Variants in NELL1 observed in about 807,000 individuals in gnomAD.
NELL1 encodes the protein protein kinase C-binding protein NELL1.
Under a neutral mutation model 107.4 loss-of-function variants are expected in NELL1, and 76 were observed. The observed-to-expected ratio is 0.71, with a 90% CI of 0.59 to 0.86. NELL1 has a LOEUF of 0.86. Among genes scored for constraint, NELL1 ranks in the 40% least tolerant of loss-of-function variants. The pLI is 0.00. For synonymous variants in NELL1, 353 were observed against 341.2 expected (o/e 1.03, Z -0.38); for missense variants, 1,024 against 1,005.5 (o/e 1.02, Z -0.25).
Position 21,449,438 on chromosome 11 carries a change from G to A in NELL1, c.1645+78490G>A, listed in dbSNP as rs944339756. Among the ~76,000 whole-genome samples the A allele has an allele frequency of 3.9e-5, 6 of 152,076 alleles. No homozygotes were observed. In the East Asian group the frequency reaches 7.7e-4, roughly 20 times the overall value. ...GTTTTCTTTTTATTGACTTTTGAGA[G>A]GTTATTATAGATTTTGATAAAATTC... On this transcript the variant is annotated intron_variant, in intron 15 of 19. Transcript: ENST00000357134.
chr11:21,151,216 C>T (rs769043282), intron 13 of NELL1, among the ~76,000 whole-genome samples: 103 of 152,278 alleles, frequency 6.8e-4, no homozygotes, highest in Non-Finnish European at 1.1e-3. Flanking sequence ...GGCTCTGTTT[C>T]ACTGGTCTAG....
rs533179635 is a variant in NELL1, at chr11:20,924,473, T to C, written c.760-2835T>C. On this transcript the variant is annotated intron_variant, in intron 7 of 19. Coordinates refer to ENST00000357134, the MANE Select transcript of NELL1 (RefSeq NM_006157.5). ...AGAATAGCATTCATTATATTAAAACTGACATTTTCTTTGGAATTGAGTTTT... is the reference window on the plus strand; with the variant it reads ...AGAATAGCATTCATTATATTAAAACCGACATTTTCTTTGGAATTGAGTTTT... 3.3e-5 allele frequency among the ~76,000 whole-genome samples: 5 copies of C among 152,310 alleles called. No individual in the cohort carries two copies. The South Asian group carries it at 1.0e-3, about 32-fold the overall frequency.
intron 12 of NELL1, among the ~76,000 whole-genome samples, chr11:20,974,146 G>A (rs996357348): frequency 6.6e-6 from 1 of 152,116 alleles, no homozygotes. Flanking sequence ...CTAGCACCTC[G>A]GACAGTTCCT....
At chr11:21,167,484 G>A (rs1856511005) in intron 13 of NELL1, among the ~76,000 whole-genome samples, 2 of 151,758 alleles carry the variant, frequency 1.3e-5, no homozygotes, top group Admixed American at 6.6e-5. Flanking sequence ...AAATATCAAG[G>A]ATGAAAAATT....
At chr11:21,337,779 T>A (rs1850450875) in intron 14 of NELL1, among the ~76,000 whole-genome samples, 1 of 145,810 alleles carries the variant, frequency 6.9e-6, no homozygotes. Flanking sequence ...TTTCTTTCTT[T>A]CTTTCTTTCT....
chr11:20,683,779 T>C (rs1437542681), intron 2 of NELL1, among the ~76,000 whole-genome samples: 1 of 152,104 alleles, frequency 6.6e-6, no homozygotes. Flanking sequence ...TTTGTCCCCA[T>C]TCTTTAAAGA....
chr11:20,938,445 G>A (rs1170585747), intron 10 of NELL1, among the ~76,000 whole-genome samples: 2 of 152,180 alleles, frequency 1.3e-5, no homozygotes, highest in Non-Finnish European at 1.5e-5. Flanking sequence ...GTGAGGGAGA[G>A]AGACAGTAAG....
At chr11:21,506,323 C>T (rs890608172) in intron 15 of NELL1, among the ~76,000 whole-genome samples, 2 of 152,102 alleles carry the variant, frequency 1.3e-5, no homozygotes, top group Admixed American at 1.3e-4. Flanking sequence ...TCAGACCTAC[C>T]CAACAATTTA....
At chr11:21,397,648 A>T (rs2133792080) in intron 15 of NELL1, among the ~76,000 whole-genome samples, 1 of 151,762 alleles carries the variant, frequency 6.6e-6, no homozygotes, top group South Asian at 2.1e-4. Context: ...GTGCTCTATC[A>T]CATTTTAAAT....
intron 12 of NELL1, among the ~76,000 whole-genome samples, chr11:21,040,273 A>C (rs922658742): frequency 6.6e-6 from 1 of 152,092 alleles, no homozygotes; most frequent in Admixed American, 6.6e-5. Context: ...TCCTATCACA[A>C]AGAGAATAAA....
At chr11:20,955,908 G>T (rs905372744) in intron 11 of NELL1, among the ~76,000 whole-genome samples, 2 of 151,972 alleles carry the variant, frequency 1.3e-5, no homozygotes, top group Admixed American at 1.3e-4. Context: ...ATATTTTTAA[G>T]CCAGGAACTG....
chr11:20,877,411 GAGTC>G (rs1360079983), intron 4 of NELL1, among the ~76,000 whole-genome samples: 1 of 152,150 alleles, frequency 6.6e-6, no homozygotes, highest in Non-Finnish European at 1.5e-5. Context: ...AGGTACTGTG[GAGTC>G]TCTTCAAAAA....
At chr11:21,535,779 C>A (rs1564947093) in intron 16 of NELL1, among the ~76,000 whole-genome samples, 2 of 152,062 alleles carry the variant, frequency 1.3e-5, no homozygotes. Flanking sequence ...GTTAAATGTT[C>A]AAGAAATGTT....
At chr11:20,758,301 C>G (rs987527737) in intron 2 of NELL1, among the ~76,000 whole-genome samples, 8 of 152,168 alleles carry the variant, frequency 5.3e-5, no homozygotes, top group Non-Finnish European at 1.2e-4. Flanking sequence ...CGAGACCCAT[C>G]ATGGTGTCGC....
chr11:20,886,497 C>T (rs1284946702), intron 5 of NELL1, among the ~76,000 whole-genome samples: 4 of 151,964 alleles, frequency 2.6e-5, no homozygotes, highest in Non-Finnish European at 4.4e-5. Flanking sequence ...TGTACTTATA[C>T]GAAAGGAATT....
At chr11:20,949,407 G>GT (rs1851029229) in intron 11 of NELL1, among the ~76,000 whole-genome samples, 1 of 152,180 alleles carries the variant, frequency 6.6e-6, no homozygotes, top group African/African-American at 2.4e-5. Flanking sequence ...CAGCTGGTAT[G>GT]TTTTGGAAAT....
chr11:21,399,935 T>C (rs567817772), intron 15 of NELL1, among the ~76,000 whole-genome samples: 1 of 151,960 alleles, frequency 6.6e-6, no homozygotes, highest in Admixed American at 6.6e-5. Context: ...GGAAAGTCGA[T>C]TTTTCCTCCT....
chr11:21,226,711 C>A (rs79013258), intron 13 of NELL1, among the ~76,000 whole-genome samples: 1 of 152,112 alleles, frequency 6.6e-6, no homozygotes, highest in East Asian at 1.9e-4. Flanking sequence ...AATATCATCA[C>A]AATATATTAT....
intron 14 of NELL1, among the ~76,000 whole-genome samples, chr11:21,251,749 A>T (rs1344772589): frequency 6.6e-6 from 1 of 152,070 alleles, no homozygotes; most frequent in Non-Finnish European, 1.5e-5. Context: ...TGGCAATGAC[A>T]TGAGGAGGTT....
Sources: gnomAD v4.1 joint callset for allele counts (sites outside exome capture counted in the v4.1 genomes callset) on GRCh38, gnomAD v4.1.1 for gene constraint, MANE v1.5 for transcripts, NCBI Gene and HGNC (gene_info 2026-07-23, HGNC 2026-07-21) for gene names.